Variants in NUP93 observed in about 807,000 individuals in gnomAD.
The protein encoded by NUP93 is nuclear pore complex protein Nup93.
A neutral mutation model predicts 107.8 loss-of-function variants in NUP93; 55 were observed. The ratio of observed to expected loss-of-function variants is 0.51; its 90% CI spans 0.41 to 0.64. The LOEUF is 0.64. Among genes scored for constraint, NUP93 ranks in the 30% least tolerant of loss-of-function variants. The pLI is 0.00. For synonymous variants in NUP93, 390 were observed against 397.5 expected (o/e 0.98, Z 0.22); for missense variants, 937 against 1,044.7 (o/e 0.90, Z 1.42).
intron 5 of NUP93, 52 bp downstream of exon 5, chr16:56,805,684 G>T: frequency 1.3e-6 from 2 of 1,564,036 alleles, no homozygotes; most frequent in South Asian, 1.1e-5. Flanking sequence ...TGAAGTCAAA[G>T]AATACTTGTC....
chr16:56,799,278 G>C (rs938026510), intron 4 of NUP93, among the ~76,000 whole-genome samples: 2 of 152,032 alleles, frequency 1.3e-5, no homozygotes, highest in Non-Finnish European at 2.9e-5. Context: ...AATAAAAAAA[G>C]CACACACGCG....
At chr16:56,757,480 C>T (rs1316187565) in intron 2 of NUP93, among the ~76,000 whole-genome samples, 2 of 152,080 alleles carry the variant, frequency 1.3e-5, no homozygotes, top group African/African-American at 2.4e-5. Context: ...CCAGACTAGA[C>T]CCGACCCGAC....
intron 3 of NUP93, among the ~76,000 whole-genome samples, chr16:56,764,360 C>G (rs1400617008): frequency 6.6e-6 from 1 of 152,024 alleles, no homozygotes; most frequent in East Asian, 1.9e-4. Flanking sequence ...CATGTTGGTG[C>G]ACGCCTGTAA....
intron 6 of NUP93, 152 bp from the exon 7 acceptor site, chr16:56,821,352 C>T (rs1306641260): frequency 3.5e-5 from 19 of 541,862 alleles, no homozygotes; most frequent in Admixed American, 1.5e-4. Context: ...ACAACCCCAA[C>T]GCAACTGGGG....
At chr16:56,768,898 C>G (rs1344793594) in intron 3 of NUP93, among the ~76,000 whole-genome samples, 1 of 151,028 alleles carries the variant, frequency 6.6e-6, no homozygotes. Context: ...TTTGTCTTAC[C>G]CCAGCTAACA....
At chr16:56,806,675 A>G (rs1314921918) in intron 5 of NUP93, among the ~76,000 whole-genome samples, 1 of 152,162 alleles carries the variant, frequency 6.6e-6, no homozygotes, top group African/African-American at 2.4e-5. Context: ...GCTGCTCACA[A>G]CATGATAGCT....
chr16:56,820,827 TA>T (rs1370315806), intron 6 of NUP93, among the ~76,000 whole-genome samples: 1 of 152,200 alleles, frequency 6.6e-6, no homozygotes, highest in Non-Finnish European at 1.5e-5. Context: ...CTCTAAATCT[TA>T]ACTAGTGAAG....
At chr16:56,844,463 A>C in intron 21 of NUP93, 36 bp from the exon 22 acceptor site, 1 of 1,289,214 alleles carries the variant, frequency 7.8e-7, no homozygotes, top group Non-Finnish European at 1.0e-6. Context: ...CTCGAAAGTT[A>C]ACCGATTTCC....
At chr16:56,830,299 G>A (rs1440596640) in intron 9 of NUP93, among the ~76,000 whole-genome samples, 1 of 152,110 alleles carries the variant, frequency 6.6e-6, no homozygotes, top group Non-Finnish European at 1.5e-5. Flanking sequence ...AAGCTCTGGA[G>A]CCATATTGCC....
At chr16:56,772,270 T>TTATGG (rs1353430501) in intron 3 of NUP93, among the ~76,000 whole-genome samples, 1 of 152,160 alleles carries the variant, frequency 6.6e-6, no homozygotes, top group Non-Finnish European at 1.5e-5. Context: ...AACACGGCTG[T>TTATGG]TAGAATGGCT....
chr16:56,808,115 AT>A, intron 5 of NUP93, among the ~76,000 whole-genome samples: 1 of 123,846 alleles, frequency 8.1e-6, no homozygotes, highest in Non-Finnish European at 1.7e-5. Flanking sequence ...ATAAATATAT[AT>A]TATATAACTA....
chr16:56,770,278 T>G (rs1481741414), intron 3 of NUP93, among the ~76,000 whole-genome samples: 1 of 152,236 alleles, frequency 6.6e-6, no homozygotes, highest in African/African-American at 2.4e-5. Context: ...GAAGGGCTGG[T>G]GCCGTGTCCT....
At chr16:56,838,200 A>G (rs1286409561) in intron 18 of NUP93, among the ~76,000 whole-genome samples, 1 of 152,194 alleles carries the variant, frequency 6.6e-6, no homozygotes, top group Non-Finnish European at 1.5e-5. Flanking sequence ...AGCTAACAAC[A>G]TTACTTTTTG....
intron 6 of NUP93, among the ~76,000 whole-genome samples, chr16:56,821,212 T>C (rs1241554327): frequency 6.6e-6 from 1 of 152,176 alleles, no homozygotes; most frequent in Non-Finnish European, 1.5e-5. Context: ...TTCTCCTGTC[T>C]TCCCCTGGGT....
intron 3 of NUP93, among the ~76,000 whole-genome samples, chr16:56,786,136 C>T (rs1470601507): frequency 6.6e-6 from 1 of 152,012 alleles, no homozygotes; most frequent in African/African-American, 2.4e-5. Context: ...AAAAACAAAG[C>T]TTATTTTCTT....
intron 3 of NUP93, among the ~76,000 whole-genome samples, chr16:56,785,410 C>G: frequency 6.6e-6 from 1 of 152,120 alleles, no homozygotes; most frequent in East Asian, 1.9e-4. Context: ...AAGAGCCTCT[C>G]CTTTCTGGTA....
intron 20 of NUP93, 135 bp from the exon 21 acceptor site, chr16:56,841,570 C>T (rs1567415255): frequency 1.9e-6 from 2 of 1,070,308 alleles, no homozygotes; most frequent in African/African-American, 1.6e-5. Context: ...TTTTGGGTGA[C>T]TGTGTGGCTC....
intron 5 of NUP93, among the ~76,000 whole-genome samples, chr16:56,817,116 C>T (rs1312247546): frequency 6.6e-6 from 1 of 152,150 alleles, no homozygotes; most frequent in African/African-American, 2.4e-5. Flanking sequence ...ACTGTTTAAG[C>T]TCTTTTAATA....
intron 5 of NUP93, among the ~76,000 whole-genome samples, chr16:56,810,698 GAA>G (rs1430931622): frequency 2.0e-5 from 3 of 151,964 alleles, no homozygotes; most frequent in Non-Finnish European, 4.4e-5. Context: ...ATCACAAATA[GAA>G]CACACCCAGA....
Sources: allele counts gnomAD v4.1 joint callset (sites outside exome capture counted in the v4.1 genomes callset), GRCh38; gene constraint gnomAD v4.1.1; transcripts MANE v1.5; gene names NCBI Gene and HGNC (gene_info 2026-07-23, HGNC 2026-07-21).